Variants in MCC observed in about 807,000 individuals in gnomAD.
The protein encoded by MCC is colorectal mutant cancer protein.
In MCC, 90 loss-of-function variants were observed where a neutral mutation model predicts 116.2. The ratio of observed to expected loss-of-function variants is 0.77; its 90% CI spans 0.65 to 0.92. The LOEUF (loss-of-function observed/expected upper bound fraction) is 0.92. MCC is among the 40% of genes least tolerant of loss of function. MCC has a pLI of 0.00. For synonymous variants in MCC, 578 were observed against 510.5 expected (o/e 1.13, Z -1.78); for missense variants, 1,516 against 1,312.2 (o/e 1.16, Z -2.40).
At chr5:113,488,181 G>A (rs1229041721) in intron 1 of MCC, 64 bp downstream of exon 1, 4 of 1,507,142 alleles carry the variant, frequency 2.7e-6, no homozygotes, top group African/African-American at 1.4e-5. Flanking sequence ...GGCAGAGCAG[G>A]GGTCAAGGGC....
intron 2 of MCC, among the ~76,000 whole-genome samples, chr5:113,381,977 G>C (rs1341029421): frequency 6.6e-6 from 1 of 152,200 alleles, no homozygotes; most frequent in Non-Finnish European, 1.5e-5. Flanking sequence ...GGTCAGCTGG[G>C]TCAAAATCCA....
chr5:113,446,647 C>T (rs1206796768), intron 1 of MCC, among the ~76,000 whole-genome samples: 4 of 152,022 alleles, frequency 2.6e-5, no homozygotes, highest in Middle Eastern at 3.2e-3. Flanking sequence ...ACTGTTAGTT[C>T]AGTCACTGTG....
At chr5:113,326,319 A>G (rs1003099568) in intron 3 of MCC, among the ~76,000 whole-genome samples, 3 of 152,232 alleles carry the variant, frequency 2.0e-5, no homozygotes, top group South Asian at 2.1e-4. Context: ...CACTTGTGCT[A>G]CTATAACAAA....
intron 3 of MCC, among the ~76,000 whole-genome samples, chr5:113,310,884 T>G (rs1258999901): frequency 6.6e-6 from 1 of 152,218 alleles, no homozygotes; most frequent in East Asian, 1.9e-4. Context: ...TTTTTCATAT[T>G]CCATCCTTCC....
chr5:113,343,605 C>A (rs890046278), intron 2 of MCC, among the ~76,000 whole-genome samples: 2 of 152,178 alleles, frequency 1.3e-5, no homozygotes, highest in African/African-American at 4.8e-5. Context: ...GACAAACAGA[C>A]AGAGGGCTGG....
At chr5:113,487,469 C>T (rs376106792) in intron 1 of MCC, among the ~76,000 whole-genome samples, 15 of 152,342 alleles carry the variant, frequency 9.8e-5, no homozygotes, top group African/African-American at 3.6e-4. Flanking sequence ...ATTATTTGGC[C>T]AAGCCGGGAG....
chr5:113,048,261 G>A (rs764490737), intron 16 of MCC, among the ~76,000 whole-genome samples: 2 of 152,138 alleles, frequency 1.3e-5, no homozygotes, highest in Non-Finnish European at 2.9e-5. Context: ...GTTCCTCAAG[G>A]TCAACCATGG....
At chr5:113,136,668 G>A (rs1164518176) in intron 5 of MCC, among the ~76,000 whole-genome samples, 1 of 152,126 alleles carries the variant, frequency 6.6e-6, no homozygotes, top group East Asian at 1.9e-4. Flanking sequence ...GCATAGAGAT[G>A]CTAAAATGAT....
At chr5:113,462,098 A>T (rs1384047177) in intron 1 of MCC, among the ~76,000 whole-genome samples, 1 of 152,246 alleles carries the variant, frequency 6.6e-6, no homozygotes, top group African/African-American at 2.4e-5. Context: ...GAAAGATTTT[A>T]AAAATGGTAT....
At chr5:113,175,968 C>A (rs1581204513) in intron 3 of MCC, among the ~76,000 whole-genome samples, 1 of 152,084 alleles carries the variant, frequency 6.6e-6, no homozygotes, top group Non-Finnish European at 1.5e-5. Context: ...TGTACTGTAC[C>A]AACCAGCAGG....
intron 1 of MCC, among the ~76,000 whole-genome samples, chr5:113,414,940 G>A (rs1770100978): frequency 6.6e-6 from 1 of 152,104 alleles, no homozygotes; most frequent in Non-Finnish European, 1.5e-5. Context: ...CTTCCTTCAG[G>A]AGCTCTTGTA....
Position 113,324,251 on chromosome 5 carries a change from A to G in MCC, c.627+16268T>C, listed in dbSNP as rs192110220. On this transcript the variant is annotated intron_variant, in intron 3 of 18. Coordinates refer to ENST00000408903, the MANE Select transcript of MCC (RefSeq NM_001085377.2). ...TTCTACTTGCTAGGCAAGTAGAACA[A>G]CATCAAAATGTTGATGAATAACAAA... Among the ~76,000 whole-genome samples the G allele has an allele frequency of 2.1e-3, 323 of 152,308 alleles. 1 individual carries two copies. Among genetic ancestry groups the G allele is most frequent in the Non-Finnish European group, 3.4e-3 (229 of 68,028 alleles).
chr5:113,179,646 A>T (rs990545742), intron 3 of MCC, among the ~76,000 whole-genome samples: 4 of 152,220 alleles, frequency 2.6e-5, no homozygotes, highest in African/African-American at 9.6e-5. Flanking sequence ...CCAATTAATA[A>T]CATGCAAGTT....
intron 13 of MCC, among the ~76,000 whole-genome samples, chr5:113,064,551 T>C (rs551042414): frequency 2.6e-5 from 4 of 152,236 alleles, no homozygotes; most frequent in Non-Finnish European, 5.9e-5. Context: ...GGCACTTCCC[T>C]GTGAATGAGG....
Position 113,048,872 on chromosome 5 carries a change from G to A in MCC, c.2655+221C>T, listed in dbSNP as rs1752291845. The A allele has an allele frequency of 5.1e-6, 3 of 591,736 alleles. No individual in the cohort carries two copies. The South Asian group carries it at 6.1e-5, about 12-fold the overall frequency. 36.7% of individuals were successfully genotyped at this position (591,736 alleles called of 1,614,324 possible). A position where few individuals can be genotyped will look rare whatever the true frequency, so the allele number is the denominator to read the frequency against. ...CTGATGTGACTGTGATATGTGAAAAGGTTCAACTATTACATAAAGTGAGAT... is the reference window on the plus strand; with the variant it reads ...CTGATGTGACTGTGATATGTGAAAAAGTTCAACTATTACATAAAGTGAGAT... On this transcript the variant is annotated intron_variant, in intron 16 of 18. Coordinates refer to ENST00000408903, the MANE Select transcript of MCC (RefSeq NM_001085377.2).
rs183315369 is a variant in MCC at position 113,026,859 on chromosome 5, C to T, written c.*443G>A. On this transcript the variant is annotated 3_prime_UTR_variant, in exon 19 of 19. Transcript: ENST00000408903. ...TTAAATGCTGGAGGCACACACAGGT[C>T]TGTTTTCCCATGAAGCAGGAGGAAA... 1.3e-5 allele frequency: 2 copies of T among 157,512 alleles called. No homozygotes were observed. The highest frequency in any genetic ancestry group is 3.7e-4 in the East Asian group (2 of 5,358). 9.8% of individuals were successfully genotyped at this position (157,512 alleles called of 1,614,324 possible).
chr5:113,066,284 G>A (rs922929310), intron 13 of MCC, among the ~76,000 whole-genome samples: 4 of 152,098 alleles, frequency 2.6e-5, no homozygotes, highest in African/African-American at 7.2e-5. Flanking sequence ...CTGGAAATAC[G>A]ATTGACTTTT....
chr5:113,472,290 C>T (rs553727182), intron 1 of MCC, among the ~76,000 whole-genome samples: 17 of 152,320 alleles, frequency 1.1e-4, no homozygotes, highest in South Asian at 2.1e-4. Context: ...TGTTCCTATT[C>T]GGCCATCTTC....
chr5:113,269,803 A>C (rs1765545765), intron 3 of MCC, among the ~76,000 whole-genome samples: 1 of 152,232 alleles, frequency 6.6e-6, no homozygotes, highest in Non-Finnish European at 1.5e-5. Context: ...GAAGGGTGAC[A>C]GCGAAAACCC....
Sources: gnomAD v4.1 joint callset for allele counts (sites outside exome capture counted in the v4.1 genomes callset) on GRCh38, gnomAD v4.1.1 for gene constraint, MANE v1.5 for transcripts, NCBI Gene and HGNC (gene_info 2026-07-23, HGNC 2026-07-21) for gene names.